Variants in TMBIM6 observed in about 807,000 individuals in gnomAD.
TMBIM6 encodes the protein bax inhibitor 1.
In TMBIM6, 13 loss-of-function variants were observed where a neutral mutation model predicts 31.4. The ratio of observed to expected loss-of-function variants is 0.41; its 90% confidence interval spans 0.27 to 0.66. The LOEUF is 0.66. TMBIM6 is among the 30% of genes least tolerant of loss of function. The probability of loss-of-function intolerance (pLI) is 0.28; values close to 1 mark genes in which losing one functional copy is unlikely to be tolerated. For synonymous variants in TMBIM6, 85 were observed against 101.7 expected (o/e 0.84, Z 0.99); for missense variants, 275 against 289.5 (o/e 0.95, Z 0.36).
chr12:49,742,834 T>C (rs1945322147), intron 1 of TMBIM6, among the ~76,000 whole-genome samples: 1 of 152,198 alleles, frequency 6.6e-6, no homozygotes, highest in Non-Finnish European at 1.5e-5. Context: ...CTAAAGAATA[T>C]GTTGACATTT....
chr12:49,742,332 A>T, intron 1 of TMBIM6: 1 of 1,519,772 alleles, frequency 6.6e-7, no homozygotes, highest in Non-Finnish European at 8.8e-7. Flanking sequence ...CGTCTTTCTA[A>T]GTCTGCTCAG....
chr12:49,757,518 A>C (rs1177906764), intron 4 of TMBIM6, among the ~76,000 whole-genome samples: 1 of 152,250 alleles, frequency 6.6e-6, no homozygotes, highest in Non-Finnish European at 1.5e-5. Context: ...TAGAATTGTC[A>C]TAAAGGAAAC....
chr12:49,760,869 C>T (rs1376765357), intron 8 of TMBIM6, among the ~76,000 whole-genome samples: 2 of 148,690 alleles, frequency 1.3e-5, no homozygotes, highest in Non-Finnish European at 3.0e-5. Flanking sequence ...GACGGAGTTT[C>T]GCTCTTGTTG....
At chr12:49,753,258 G>A (rs1945529762) in intron 3 of TMBIM6, among the ~76,000 whole-genome samples, 177 bp downstream of exon 3, 1 of 152,172 alleles carries the variant, frequency 6.6e-6, no homozygotes, top group South Asian at 2.1e-4. Flanking sequence ...TGGCAACTGT[G>A]CCCCCTCTAG....
At chr12:49,760,471 G>T (rs1017794711) in intron 8 of TMBIM6, among the ~76,000 whole-genome samples, 1 of 150,560 alleles carries the variant, frequency 6.6e-6, no homozygotes, top group Non-Finnish European at 1.5e-5. Flanking sequence ...GTCTCAAGCA[G>T]TCCTCTTGCC....
chr12:49,753,154 C>T lies in TMBIM6; in HGVS notation c.165+73C>T, dbSNP rs1191845749. On this transcript the variant is annotated intron_variant, in intron 3 of 9. Transcript: ENST00000267115. Reference sequence around the variant, plus strand: ...GAAAAAACCAGCTCAGCAAGGTGGTCCAAGGGACCCTGTTCCTCTCTTTAA... The same window carrying T: ...GAAAAAACCAGCTCAGCAAGGTGGTTCAAGGGACCCTGTTCCTCTCTTTAA... 8.8e-6 allele frequency: 10 copies of T among 1,139,628 alleles called. No homozygotes were observed. In the East Asian group the frequency reaches 2.2e-4, roughly 25 times the overall value. The allele number at this position is 1,139,628 out of a possible 1,614,324, so 70.6% of individuals were successfully genotyped here.
chr12:49,758,754 C>T lies in TMBIM6; in HGVS notation c.505C>T (p.Leu169Phe). The T allele has an allele frequency of 6.2e-7, 1 of 1,612,630 alleles. No homozygotes were observed. Among genetic ancestry groups the T allele is most frequent in the Non-Finnish European group, 8.5e-7 (1 of 1,179,858 alleles). The change falls in exon 7 of 10, where the codon CTT (leucine) becomes TTT (phenylalanine). Residue 169 changes from leucine (L) to phenylalanine (F), a missense_variant. By Grantham distance (22) the Leu-to-Phe change is conservative. Transcript: ENST00000267115. ...LGNVFFGSIW[L>F]FQANLYVGLV... ...GAATGTTTTCTTTGGATCCATTTGG[C>T]TTTTCCAGGTAAGACTTAGCCTGGA...
chr12:49,762,709 T>C (rs2136967182), intron 9 of TMBIM6, among the ~76,000 whole-genome samples, 164 bp from the exon 10 acceptor site: 1 of 152,326 alleles, frequency 6.6e-6, no homozygotes, highest in East Asian at 1.9e-4. Flanking sequence ...GAACCACCAG[T>C]AGGATGTGGT....
At chr12:49,747,028 GGGT>G (rs1945408037) in intron 1 of TMBIM6, among the ~76,000 whole-genome samples, 1 of 151,956 alleles carries the variant, frequency 6.6e-6, no homozygotes, top group South Asian at 2.1e-4. Flanking sequence ...ACTAGAGACT[GGGT>G]GTCACCATGT....
intron 1 of TMBIM6, among the ~76,000 whole-genome samples, chr12:49,749,301 T>C (rs1945451057): frequency 6.6e-6 from 1 of 152,216 alleles, no homozygotes; most frequent in Non-Finnish European, 1.5e-5. Context: ...TTTCTGAAAT[T>C]GTCATCTGTA....
intron 1 of TMBIM6, among the ~76,000 whole-genome samples, chr12:49,750,278 C>A (rs949420201): frequency 6.6e-6 from 1 of 152,216 alleles, no homozygotes; most frequent in Admixed American, 6.5e-5. Flanking sequence ...TTCTTAGAAT[C>A]CCCTGGGCGT....
intron 4 of TMBIM6, 148 bp from the exon 5 acceptor site, chr12:49,758,079 C>T (rs1945639406): frequency 2.5e-6 from 2 of 801,250 alleles, no homozygotes; most frequent in Middle Eastern, 3.6e-4. Context: ...TTATTGAAAA[C>T]AATTACAGCG....
chr12:49,747,384 C>A (rs1340025046), intron 1 of TMBIM6, among the ~76,000 whole-genome samples: 1 of 152,154 alleles, frequency 6.6e-6, no homozygotes, highest in African/African-American at 2.4e-5. Context: ...TGATGGCTCA[C>A]TGCAGCCTGA....
intron 8 of TMBIM6, among the ~76,000 whole-genome samples, chr12:49,760,526 C>T (rs546351208): frequency 1.2e-3 from 178 of 145,526 alleles, no homozygotes; most frequent in African/African-American, 4.2e-3. Context: ...GCCACCATGC[C>T]CAGCCACTTT....
At position 49,742,211 on chromosome 12, in the gene TMBIM6, C is replaced by T. The variant is rs200331428; in HGVS notation, c.-31+600C>T. On this transcript the variant is annotated intron_variant, in intron 1 of 9. Coordinates refer to ENST00000267115, the MANE Select transcript of TMBIM6 (RefSeq NM_003217.3). Reference sequence around the variant, plus strand: ...GGCAGAGGCGGGAAGTGAGAGGAGTCTGGGGCTGGGGCTGCCTTCCAGGCC... The same window carrying T: ...GGCAGAGGCGGGAAGTGAGAGGAGTTTGGGGCTGGGGCTGCCTTCCAGGCC... The T allele has an allele frequency of 2.1e-3, 3,347 of 1,613,114 alleles. 33 individuals carry two copies. The highest frequency in any genetic ancestry group is 0.012 in the South Asian group (1,094 of 91,026).
At chr12:49,753,411 CTT>C in intron 3 of TMBIM6, among the ~76,000 whole-genome samples, 1 of 152,298 alleles carries the variant, frequency 6.6e-6, no homozygotes, top group South Asian at 2.1e-4. Flanking sequence ...TCCATTCTTC[CTT>C]TACAAAACTC....
At chr12:49,744,981 C>A (rs1311352360) in intron 1 of TMBIM6, among the ~76,000 whole-genome samples, 1 of 152,068 alleles carries the variant, frequency 6.6e-6, no homozygotes, top group Non-Finnish European at 1.5e-5. Context: ...GTAGGCATTT[C>A]ATCTCCAGTT....
chr12:49,759,500 T>A (rs1382771416), intron 8 of TMBIM6, among the ~76,000 whole-genome samples, 179 bp downstream of exon 8: 3 of 152,154 alleles, frequency 2.0e-5, no homozygotes, highest in African/African-American at 4.8e-5. Flanking sequence ...AGATTTCAGA[T>A]TTTTTAAAAA....
In TMBIM6 at chr12:49,752,854, A is replaced by T. The variant is rs567493066; in HGVS notation, c.57-119A>T. On this transcript the variant is annotated intron_variant, in intron 2 of 9. Transcript: ENST00000267115. ...AATATGCTTTCCTAAAAGTATTTCA[A>T]ACTATTTGTAACAGAACTTTTACAT... 16 of 962,310 alleles carry T rather than the reference A, an allele frequency of 1.7e-5. No homozygotes were observed. The East Asian group carries it at 3.3e-4, about 20-fold the overall frequency. The allele number at this position is 962,310 out of a possible 1,614,324, so 59.6% of individuals were successfully genotyped here. A position where few individuals can be genotyped will look rare whatever the true frequency, so the allele number is the denominator to read the frequency against.
Sources: allele counts gnomAD v4.1 joint callset (sites outside exome capture counted in the v4.1 genomes callset), GRCh38; gene constraint gnomAD v4.1.1; transcripts MANE v1.5; gene names NCBI Gene and HGNC (gene_info 2026-07-23, HGNC 2026-07-21).